Variants in MAGI3 observed in about 807,000 individuals in gnomAD.
The protein encoded by MAGI3 is membrane-associated guanylate kinase, WW and PDZ domain-containing protein 3.
In MAGI3, 43 loss-of-function variants were observed where a neutral mutation model predicts 121.8. That is an observed-to-expected ratio of 0.35 (90% CI 0.28 to 0.46). The LOEUF is 0.46. Among genes scored for constraint, MAGI3 ranks in the 20% least tolerant of loss-of-function variants. The pLI, the probability that MAGI3 is intolerant of heterozygous loss-of-function variation, is 1.00. For missense variants in MAGI3, 1,547 were observed against 1,797.3 expected (o/e 0.86, Z 2.52); for synonymous variants, 553 against 639.3 (o/e 0.86, Z 2.04).
chr1:113,668,557 A>C (rs1356617677), intron 16 of MAGI3, among the ~76,000 whole-genome samples: 1 of 151,138 alleles, frequency 6.6e-6, no homozygotes, highest in African/African-American at 2.4e-5. Context: ...CAAAACAACA[A>C]AAAACATGTA....
chr1:113,565,364 C>T (rs569372049), intron 2 of MAGI3, among the ~76,000 whole-genome samples: 5 of 152,210 alleles, frequency 3.3e-5, no homozygotes, highest in South Asian at 2.1e-4. Flanking sequence ...GAAAGCATTT[C>T]GTCTGCTTCT....
intron 1 of MAGI3, among the ~76,000 whole-genome samples, chr1:113,434,801 G>A (rs947852678): frequency 1.3e-5 from 2 of 152,188 alleles, no homozygotes; most frequent in African/African-American, 4.8e-5. Flanking sequence ...GAACAGATAA[G>A]GAAGGTTCTT....
rs144969055 is a variant in MAGI3, at chr1:113,422,438, G to A, written c.316+31089G>A. Among the ~76,000 whole-genome samples the A allele has an allele frequency of 8.9e-4, 136 of 152,366 alleles. No individual in the cohort carries two copies. The highest frequency in any genetic ancestry group is 1.2e-3 in the Non-Finnish European group (81 of 68,036). ...CTGCCCACTTGGCCTGTCAGGCTGC[G>A]TTTGGCTCATGATGCCTGCCCGGAT... On this transcript the variant is annotated intron_variant, in intron 1 of 20. Transcript: ENST00000307546. The surrounding 1 kb of genome is among the most constrained non-coding windows in gnomAD (Gnocchi z 4.3).
intron 1 of MAGI3, among the ~76,000 whole-genome samples, chr1:113,437,886 C>CTTCTTCCTCTT (rs1214332097): frequency 5.9e-3 from 66 of 11,128 alleles, no homozygotes; most frequent in Middle Eastern, 0.05. Context: ...TTCTCCTTCT[C>CTTCTTCCTCTT]CTTCTCCTTC....
At chr1:113,584,925 T>A (rs1488989211) in intron 3 of MAGI3, among the ~76,000 whole-genome samples, 2 of 151,750 alleles carry the variant, frequency 1.3e-5, no homozygotes, top group Non-Finnish European at 2.9e-5. Flanking sequence ...AGATGAGTGC[T>A]TTGAGCGCTT....
intron 1 of MAGI3, among the ~76,000 whole-genome samples, chr1:113,494,066 G>A (rs543850195): frequency 4.9e-4 from 74 of 152,234 alleles, no homozygotes; most frequent in African/African-American, 1.7e-3. Context: ...AAAGACACAT[G>A]CACTTATATG....
At chr1:113,451,441 C>T (rs960590098) in intron 1 of MAGI3, among the ~76,000 whole-genome samples, 1 of 152,184 alleles carries the variant, frequency 6.6e-6, no homozygotes, top group East Asian at 1.9e-4. Flanking sequence ...AAATTGTACA[C>T]AATATTATAT....
Position 113,590,493 on chromosome 1 carries a change from A to G in MAGI3, c.773A>G (p.Glu258Gly). The G allele has an allele frequency of 6.2e-7, 1 of 1,613,626 alleles. No individual in the cohort carries two copies. Among genetic ancestry groups the G allele is most frequent in the East Asian group, 2.2e-5 (1 of 44,852 alleles). ...TTTTGAACAATGGCAGAAAACAGAG[A>G]GAGGCATTCTGAGTCATCTGACTGG... ...INGSGNAENR[E>G]RHSESSDWMK... The change falls in exon 5 of 21, where the codon GAG becomes GGG. Residue 258 changes from glutamate to glycine, a missense_variant. Physicochemically the swap from Glu to Gly is moderately conservative, Grantham distance 98. Transcript: ENST00000307546.
intron 4 of MAGI3, among the ~76,000 whole-genome samples, chr1:113,586,891 A>G (rs550808192): frequency 6.6e-6 from 1 of 152,170 alleles, no homozygotes; most frequent in African/African-American, 2.4e-5. Flanking sequence ...TTGATGCTTC[A>G]TGTAAGTCAC....
intron 16 of MAGI3, among the ~76,000 whole-genome samples, chr1:113,668,553 A>G (rs1482337749): frequency 6.6e-6 from 1 of 151,398 alleles, no homozygotes; most frequent in Non-Finnish European, 1.5e-5. Flanking sequence ...ACAACAAAAC[A>G]ACAAAAAACA....
chr1:113,452,918 T>G (rs574863887), intron 1 of MAGI3, among the ~76,000 whole-genome samples: 29 of 152,202 alleles, frequency 1.9e-4, no homozygotes, highest in Non-Finnish European at 3.7e-4. Context: ...GCAGGAAATC[T>G]TACTTTGATT....
At chr1:113,631,046 C>G (rs1369399722) in intron 9 of MAGI3, among the ~76,000 whole-genome samples, 2 of 152,100 alleles carry the variant, frequency 1.3e-5, no homozygotes, top group East Asian at 3.9e-4. Context: ...CCAAATGCTC[C>G]CTTTGTTGGC....
chr1:113,678,543 AT>A (rs557151465), intron 19 of MAGI3, among the ~76,000 whole-genome samples: 324 of 152,334 alleles, frequency 2.1e-3, no homozygotes, highest in African/African-American at 7.4e-3. Flanking sequence ...TAAAATAAGT[AT>A]GCAATAAGAC....
In MAGI3 at chr1:113,653,838, C is replaced by A; in HGVS notation, c.2449C>A (p.Pro817Thr). 6.3e-7 allele frequency: 1 copy of A among 1,595,030 alleles called. No homozygotes were observed. The highest frequency in any genetic ancestry group is 8.5e-7 in the Non-Finnish European group (1 of 1,173,182). ...GATCATGTTTATTACAGAAAAACAA[C>A]CCGAGGACGACAGCTCTCAGGCCTT... Reference protein sequence around the residue: ...RRKIFYGEKQPEDDSSQAFIS... With the variant: ...RRKIFYGEKQTEDDSSQAFIS... The change falls in exon 15 of 21, where the codon CCC (proline) becomes ACC (threonine). Residue 817 changes from proline to threonine, a missense_variant. Transcript: ENST00000307546.
intron 5 of MAGI3, 67 bp from the exon 6 acceptor site, chr1:113,594,414 C>A: frequency 7.7e-7 from 1 of 1,298,208 alleles, no homozygotes; most frequent in Non-Finnish European, 1.1e-6. Context: ...CACTTTTAAT[C>A]TTTACTTTTG....
At chr1:113,523,050 G>A (rs1200645902) in intron 1 of MAGI3, among the ~76,000 whole-genome samples, 1 of 152,174 alleles carries the variant, frequency 6.6e-6, no homozygotes, top group African/African-American at 2.4e-5. Flanking sequence ...TTCTTCTCAT[G>A]ATAGTGAATA....
At chr1:113,518,337 A>G (rs1394277701) in intron 1 of MAGI3, among the ~76,000 whole-genome samples, 1 of 152,054 alleles carries the variant, frequency 6.6e-6, no homozygotes, top group African/African-American at 2.4e-5. Context: ...TAGTAATGAG[A>G]TGTTTTTTAT....
intron 1 of MAGI3, among the ~76,000 whole-genome samples, chr1:113,543,747 G>T (rs1253233912): frequency 6.6e-6 from 1 of 151,796 alleles, no homozygotes; most frequent in African/African-American, 2.4e-5. Context: ...GTGTGCCTGT[G>T]GTCCCAGCTA....
chr1:113,488,302 TC>T (rs1286291809), intron 1 of MAGI3, among the ~76,000 whole-genome samples: 2 of 152,198 alleles, frequency 1.3e-5, no homozygotes, highest in African/African-American at 4.8e-5. Flanking sequence ...GGGACAGCCA[TC>T]CCCATAGGCT....
Sources: gnomAD v4.1 joint callset for allele counts (sites outside exome capture counted in the v4.1 genomes callset) on GRCh38, gnomAD v4.1.1 for gene constraint, Gnocchi (gnomAD v3.1) non-coding constraint, MANE v1.5 for transcripts, NCBI Gene and HGNC (gene_info 2026-07-23, HGNC 2026-07-21) for gene names.